PLD5: variants seen among roughly 807,000 people sequenced by gnomAD.
PLD5 encodes phospholipase D family member 5.
Under a neutral mutation model 61.1 loss-of-function variants are expected in PLD5, and 36 were observed. That is an observed-to-expected ratio of 0.59 (90% CI 0.45 to 0.78). The LOEUF (loss-of-function observed/expected upper bound fraction) is 0.78. PLD5 is among the 30% of genes least tolerant of loss of function. PLD5 has a pLI of 0.00. For synonymous variants in PLD5, 243 were observed against 242.8 expected, an observed-to-expected ratio of 1.00 and a Z score of -0.01; for missense variants, 515 against 644.4, an observed-to-expected ratio of 0.80 and a Z score of 2.17.
intron 2 of PLD5, among the ~76,000 whole-genome samples, chr1:242,322,024 T>G (rs1658447361): frequency 6.6e-6 from 1 of 152,126 alleles, no homozygotes; most frequent in Admixed American, 6.5e-5. Flanking sequence ...CCACAGGCAT[T>G]AACACAACAA....
At chr1:242,414,367 T>C (rs1205858781) in intron 1 of PLD5, among the ~76,000 whole-genome samples, 1 of 151,948 alleles carries the variant, frequency 6.6e-6, no homozygotes, top group Non-Finnish European at 1.5e-5. Context: ...TGAAAAAGAG[T>C]CTGATTAAGG....
At chr1:242,113,084 C>CTCT (rs1553301349) in intron 7 of PLD5, among the ~76,000 whole-genome samples, 1 of 110,694 alleles carries the variant, frequency 9.0e-6, no homozygotes, top group Non-Finnish European at 1.8e-5. Context: ...CTCTCTCTCT[C>CTCT]TTTTTTTTTT....
At chr1:242,134,136 A>C (rs1213641173) in intron 5 of PLD5, among the ~76,000 whole-genome samples, 3 of 152,212 alleles carry the variant, frequency 2.0e-5, no homozygotes, top group Non-Finnish European at 4.4e-5. Context: ...TTTCCCTTTC[A>C]GGTTTGTAAA....
intron 1 of PLD5, among the ~76,000 whole-genome samples, chr1:242,360,699 G>C (rs1051105330): frequency 2.6e-5 from 4 of 151,978 alleles, no homozygotes; most frequent in Non-Finnish European, 4.4e-5. Context: ...TCATAGCATA[G>C]TTCTAAATTT....
chr1:242,361,058 T>C (rs1661039290), intron 1 of PLD5, among the ~76,000 whole-genome samples: 1 of 152,144 alleles, frequency 6.6e-6, no homozygotes, highest in African/African-American at 2.4e-5. Context: ...TTTGTTTCTC[T>C]TTATTCTGAA....
chr1:242,156,681 C>T (rs554069309), intron 5 of PLD5, among the ~76,000 whole-genome samples: 3 of 152,280 alleles, frequency 2.0e-5, no homozygotes, highest in South Asian at 4.2e-4. Context: ...ATATTAGCCC[C>T]TACTCTCTTC....
At chr1:242,427,423 G>T (rs1000802793) in intron 1 of PLD5, among the ~76,000 whole-genome samples, 1 of 152,140 alleles carries the variant, frequency 6.6e-6, no homozygotes, top group Admixed American at 6.6e-5. Flanking sequence ...ATTATTGTGT[G>T]TCAGATATAT....
At chr1:242,361,207 G>A (rs1661046073) in intron 1 of PLD5, among the ~76,000 whole-genome samples, 1 of 152,006 alleles carries the variant, frequency 6.6e-6, no homozygotes, top group African/African-American at 2.4e-5. Context: ...AAAAGAAGCA[G>A]TTTAGCTAGT....
chr1:242,184,909 C>A (rs571144251), intron 5 of PLD5, among the ~76,000 whole-genome samples: 1 of 152,274 alleles, frequency 6.6e-6, no homozygotes, highest in Non-Finnish European at 1.5e-5. Context: ...ATCCAAGAGT[C>A]AGAACCCTGG....
At chr1:242,163,661 CCCTGTCTTTTT>C (rs1300215656) in intron 5 of PLD5, among the ~76,000 whole-genome samples, 1 of 152,128 alleles carries the variant, frequency 6.6e-6, no homozygotes, top group African/African-American at 2.4e-5. Flanking sequence ...CCAGCATTTT[CCCTGTCTTTTT>C]GTGTCTCAAG....
At chr1:242,378,432 A>C (rs1361552270) in intron 1 of PLD5, among the ~76,000 whole-genome samples, 1 of 152,206 alleles carries the variant, frequency 6.6e-6, no homozygotes, top group Non-Finnish European at 1.5e-5. Context: ...CTGTGGATGG[A>C]TGGTGGCAAT....
intron 4 of PLD5, among the ~76,000 whole-genome samples, chr1:242,240,372 G>T (rs1671920157): frequency 1.3e-5 from 2 of 152,120 alleles, no homozygotes; most frequent in East Asian, 1.9e-4. Context: ...CCTTTAATAT[G>T]GTTAATGATT....
At chr1:242,117,686 T>C (rs1662055058) in intron 6 of PLD5, among the ~76,000 whole-genome samples, 1 of 152,196 alleles carries the variant, frequency 6.6e-6, no homozygotes, top group East Asian at 1.9e-4. Context: ...GCAATGAAGT[T>C]GTTTTTAAAT....
rs537957448 is a variant in PLD5 at position 242,301,939 on chromosome 1, G to A, written c.327-13409C>T. Among the ~76,000 whole-genome samples the A allele has an allele frequency of 1.1e-4, 16 of 151,432 alleles. 1 individual carries two copies. The highest frequency in any genetic ancestry group is 8.4e-4 in the South Asian group (4 of 4,790). ...ATTACTAGGGCCTGCCACCACACCC[G>A]GCTAATTATTTTTGTATTTGTAGTA... On this transcript the variant is annotated intron_variant, in intron 2 of 9. Transcript: ENST00000536534.
intron 2 of PLD5, among the ~76,000 whole-genome samples, chr1:242,312,383 C>T (rs1395635960): frequency 6.6e-6 from 1 of 152,054 alleles, no homozygotes. Context: ...TTTCTAGCCA[C>T]GTATCTTCCT....
intron 4 of PLD5, among the ~76,000 whole-genome samples, chr1:242,230,884 A>G (rs1201547805): frequency 6.6e-6 from 1 of 152,174 alleles, no homozygotes; most frequent in Non-Finnish European, 1.5e-5. Context: ...CTTCCCTGTC[A>G]TATATTTGTC....
At chr1:242,305,256 CTGA>C (rs1256774420) in intron 2 of PLD5, among the ~76,000 whole-genome samples, 1 of 152,200 alleles carries the variant, frequency 6.6e-6, no homozygotes, top group African/African-American at 2.4e-5. Flanking sequence ...AATCCCACTC[CTGA>C]TTGCTGTGTG....
intron 5 of PLD5, among the ~76,000 whole-genome samples, chr1:242,133,167 T>C (rs1663434695): frequency 1.3e-5 from 2 of 152,124 alleles, no homozygotes; most frequent in African/African-American, 4.8e-5. Context: ...GGTATAACTT[T>C]GTGACTTCAC....
chr1:242,465,026 G>T (rs966048302), intron 1 of PLD5, among the ~76,000 whole-genome samples: 1 of 152,106 alleles, frequency 6.6e-6, no homozygotes, highest in African/African-American at 2.4e-5. Context: ...ACTCTTTCTG[G>T]GTATGAGTTT....
Sources: allele counts gnomAD v4.1 joint callset (sites outside exome capture counted in the v4.1 genomes callset), GRCh38; gene constraint gnomAD v4.1.1; transcripts MANE v1.5; gene names NCBI Gene and HGNC (gene_info 2026-07-23, HGNC 2026-07-21).